C3: variants seen among roughly 807,000 people sequenced by gnomAD.
C3 encodes the protein C3 and PZP-like alpha-2-macroglobulin domain-containing protein 1.
C3 carries 97 observed loss-of-function variants against 207.9 expected under a neutral mutation model. The observed-to-expected ratio is 0.47, with a 90% CI of 0.40 to 0.55. The LOEUF is 0.55. C3 is among the 20% of genes least tolerant of loss of function. The pLI, the probability that C3 is intolerant of heterozygous loss-of-function variation, is 0.00. For synonymous variants in C3, 848 were observed against 857.6 expected (o/e 0.99, Z 0.20); for missense variants, 1,684 against 2,171.7 (o/e 0.78, Z 4.46).
intron 29 of C3, among the ~76,000 whole-genome samples, chr19:6,685,835 C>G (rs1917991193): frequency 6.6e-6 from 1 of 152,094 alleles, no homozygotes; most frequent in Non-Finnish European, 1.5e-5. Context: ...GGTCTAGAGC[C>G]CACCAGGTGG....
Position 6,714,030 on chromosome 19 carries a change from G to C in C3, c.735C>G (p.Ile245Met), listed in dbSNP as rs1455683720. 14 of 1,611,046 alleles carry C rather than the reference G, an allele frequency of 8.7e-6. No individual in the cohort carries two copies. Among genetic ancestry groups the C allele is most frequent in the Non-Finnish European group, 1.1e-5 (13 of 1,179,238 alleles). ...TGACCTCCAGGCCCTTCTCGTTATA[G>C]ATGTAGTAGAATTTCTCTGTAGGCT... The part of the protein sequence containing the change: ...IVEPTEKFYY[I>M]YNEKGLEVTI... The change falls in exon 7 of 41, where the codon ATC (isoleucine) becomes ATG (methionine). Residue 245 changes from isoleucine to methionine, a missense_variant. By Grantham distance (10) the Ile-to-Met change is conservative. Around this residue, in one of 3 missense-constraint regions of C3, gnomAD observed 1,280 missense variants for 1,739.1 expected, o/e 0.74. Transcript: ENST00000245907.
At position 6,718,111 on chromosome 19, in the gene C3, C is replaced by T; in HGVS notation, c.487G>A (p.Val163Ile). The part of the protein sequence containing the change: ...NHKLLPVGRT[V>I]MVNIENPEGI... ...GCTGGCACCTCAATGTTGACCATGA[C>T]CGTCCGGCCCACGGGTAGCAGCTTG... The change falls in exon 4 of 41, where the codon GTC becomes ATC. Residue 163 changes from valine to isoleucine, a missense_variant. By Grantham distance (29) the Val-to-Ile change is conservative. Coordinates refer to ENST00000245907, the MANE Select transcript of C3 (RefSeq NM_000064.4). 3.7e-6 allele frequency: 6 copies of T among 1,614,164 alleles called. No individual in the cohort carries two copies. The highest frequency in any genetic ancestry group is 5.1e-6 in the Non-Finnish European group (6 of 1,180,032).
At chr19:6,689,340 C>CTACCTACCTACCT (rs1568213476) in intron 27 of C3, among the ~76,000 whole-genome samples, 6 of 50,756 alleles carry the variant, frequency 1.2e-4, no homozygotes, top group African/African-American at 6.2e-4. Flanking sequence ...TCCCTCCCTC[C>CTACCTACCTACCT]CTCCCTCCCT....
intron 17 of C3, among the ~76,000 whole-genome samples, chr19:6,706,398 T>C (rs1051400240): frequency 6.6e-6 from 1 of 152,130 alleles, no homozygotes; most frequent in African/African-American, 2.4e-5. Flanking sequence ...TCCTGGCTCC[T>C]CATCTGAAGG....
In C3 at chr19:6,678,458, G is replaced by A; in HGVS notation, c.4631-3C>T. ...CTTGACCAGTCGGGTCTTGTACACTGTGGGGGAGAGGCAGACAGTTTGGGT... is the reference window on the plus strand; with the variant it reads ...CTTGACCAGTCGGGTCTTGTACACTATGGGGGAGAGGCAGACAGTTTGGGT... On this transcript the variant is annotated splice_region_variant and splice_polypyrimidine_tract_variant and intron_variant, in intron 38 of 40. Transcript: ENST00000245907. 1 of 1,613,822 alleles carries A rather than the reference G, an allele frequency of 6.2e-7. No individual in the cohort carries two copies. Among genetic ancestry groups the A allele is most frequent in the Non-Finnish European group, 8.5e-7 (1 of 1,179,810 alleles).
intron 2 of C3, among the ~76,000 whole-genome samples, chr19:6,718,730 G>C (rs902919211): frequency 2.0e-5 from 3 of 150,994 alleles, no homozygotes; most frequent in South Asian, 2.1e-4. Flanking sequence ...AGGGAACTTA[G>C]AAAGTGATGG....
At chr19:6,706,384 G>A (rs1488589496) in intron 17 of C3, among the ~76,000 whole-genome samples, 1 of 152,034 alleles carries the variant, frequency 6.6e-6, no homozygotes, top group Non-Finnish European at 1.5e-5. Flanking sequence ...CTCAGGCCTG[G>A]GCCTCCTGGC....
rs768065757 is a variant in C3, at chr19:6,682,145, C to T, written c.4257G>A (p.Lys1419=). The T allele has an allele frequency of 3.5e-5, 56 of 1,613,646 alleles. No homozygotes were observed. Among genetic ancestry groups the T allele is most frequent in the Non-Finnish European group, 4.4e-5 (52 of 1,179,514 alleles). The stretch of plus-strand genomic sequence containing the variant: ...CCAGCTCCTGAGCCCTTCATACCTG[C>T]TTCAGGTCATCTGTGTCTGGAGCAA... The part of the protein sequence containing the change: ...TGFAPDTDDL[K]QLANGVDRYI... Residue 1419 remains lysine, a synonymous_variant, in exon 34 of 41, where the codon AAG becomes AAA. Coordinates refer to ENST00000245907, the MANE Select transcript of C3 (RefSeq NM_000064.4).
chr19:6,686,004 T>A, intron 29 of C3, 120 bp downstream of exon 29: 1 of 1,008,558 alleles, frequency 9.9e-7, no homozygotes, highest in Non-Finnish European at 1.6e-6. Flanking sequence ...TCCACTGCAA[T>A]CACACTGGCT....
intron 37 of C3, 66 bp downstream of exon 37, chr19:6,679,341 G>A (rs1599496479): frequency 6.8e-7 from 1 of 1,477,600 alleles, no homozygotes; most frequent in Non-Finnish European, 9.5e-7. Flanking sequence ...CCCTGACCAT[G>A]GGATAGATGA....
Position 6,702,585 on chromosome 19 carries a change from G to A in C3, c.2246-6C>T. On this transcript the variant is annotated splice_polypyrimidine_tract_variant and splice_region_variant and intron_variant, in intron 17 of 40. Coordinates refer to ENST00000245907, the MANE Select transcript of C3 (RefSeq NM_000064.4). ...GATGTCCTCATCCAGGTTACCTGCA[G>A]GGGGTTTAGATCTGCATTTAGAACA... 1.9e-6 allele frequency: 3 copies of A among 1,596,522 alleles called. No individual in the cohort carries two copies. The highest frequency in any genetic ancestry group is 2.6e-6 in the Non-Finnish European group (3 of 1,163,944).
chr19:6,684,423 A>G lies in C3; in HGVS notation c.4137T>C (p.Asp1379=), dbSNP rs1340164090. The change falls in exon 33 of 41, where the codon GAT becomes GAC. Residue 1379 remains aspartate (D), a synonymous_variant. Transcript: ENST00000245907. ...PAPETEKRPQ[D]AKNTMILEIC... is the part of the protein sequence containing the mutation. ...TCTCAAGGATCATAGTGTTCTTGGC[A>G]TCCTGAGGCCTCTTTTCTAGAAACA... The G allele has an allele frequency of 1.9e-6, 3 of 1,613,838 alleles. No homozygotes were observed. In the East Asian group the frequency reaches 6.7e-5, roughly 36 times the overall value.
In C3 at chr19:6,684,421, G is replaced by T; in HGVS notation, c.4139C>A (p.Ala1380Asp). Residue 1380 changes from alanine to aspartate, a missense_variant, in exon 33 of 41, where the codon GCC (alanine) becomes GAC (aspartate). Around this residue, in one of 3 missense-constraint regions of C3, gnomAD observed 346 missense variants for 380.1 expected, o/e 0.91. Coordinates refer to ENST00000245907, the MANE Select transcript of C3 (RefSeq NM_000064.4). ...GATCTCAAGGATCATAGTGTTCTTG[G>T]CATCCTGAGGCCTCTTTTCTAGAAA... Reference protein sequence around the residue: ...APETEKRPQDAKNTMILEICT... With the variant: ...APETEKRPQDDKNTMILEICT... 6.2e-7 allele frequency: 1 copy of T among 1,613,808 alleles called. No individual in the cohort carries two copies. Among genetic ancestry groups the T allele is most frequent in the Non-Finnish European group, 8.5e-7 (1 of 1,179,676 alleles).
In C3 at chr19:6,713,981, C is replaced by G; in HGVS notation, c.773+11G>C. On this transcript the variant is annotated intron_variant, in intron 7 of 40. Transcript: ENST00000245907. ...CCTGGCTCTTACCTGGCCCCACCCC[C>G]AGTCCCTCACCTGGCGGTGATGGTG... 6.3e-7 allele frequency: 1 copy of G among 1,594,562 alleles called. No homozygotes were observed.
chr19:6,695,503 A>C (rs10406463), intron 23 of C3, among the ~76,000 whole-genome samples: 1 of 151,748 alleles, frequency 6.6e-6, no homozygotes, highest in Admixed American at 6.6e-5. Context: ...TGTTTGAGAC[A>C]AAGTCTTGCT....
rs549237345 is a variant in C3 at position 6,681,493 on chromosome 19, C to T, written c.4350+448G>A. Among the ~76,000 whole-genome samples, 84 of 151,920 alleles carry T rather than the reference C, an allele frequency of 5.5e-4. 1 individual carries two copies. The South Asian group carries it at 0.017, about 30-fold the overall frequency. On this transcript the variant is annotated intron_variant, in intron 35 of 40. Coordinates refer to ENST00000245907, the MANE Select transcript of C3 (RefSeq NM_000064.4). ...CCCAGGAATTTGACTTTGCAGTGAGCTAGTATCAAGACACTGTACTCCAGT... is the reference window on the plus strand; with the variant it reads ...CCCAGGAATTTGACTTTGCAGTGAGTTAGTATCAAGACACTGTACTCCAGT...
chr19:6,696,761 G>T, intron 21 of C3, 102 bp from the exon 22 acceptor site: 1 of 1,188,096 alleles, frequency 8.4e-7, no homozygotes, highest in Non-Finnish European at 1.3e-6. Flanking sequence ...CCCTAGCATT[G>T]CCGGGCGCGG....
At position 6,696,338 on chromosome 19, in the gene C3, C is replaced by T. The variant is rs763791563; in HGVS notation, c.2950+41G>A. On this transcript the variant is annotated intron_variant, in intron 23 of 40. Transcript: ENST00000245907. ...GAGATGGAATTTGGCTCCATCCATG[C>T]CCTCCTGGGACCCATGGGGTCGGGG... 12 of 1,399,250 alleles carry T rather than the reference C, an allele frequency of 8.6e-6. 1 individual carries two copies. The South Asian group carries it at 1.3e-4, about 15-fold the overall frequency. 86.7% of individuals were successfully genotyped at this position (1,399,250 alleles called of 1,614,324 possible).
intron 26 of C3, 130 bp from the exon 27 acceptor site, chr19:6,690,857 C>G: frequency 1.4e-6 from 1 of 726,274 alleles, no homozygotes; most frequent in South Asian, 1.5e-5. Flanking sequence ...ACCCCGCTAC[C>G]CTAGGAAGGT....
Sources: gnomAD v4.1 joint callset for allele counts (sites outside exome capture counted in the v4.1 genomes callset) on GRCh38, gnomAD v4.1.1 for gene constraint, gnomAD v4.1.1 regional missense constraint, MANE v1.5 for transcripts, NCBI Gene and HGNC (gene_info 2026-07-23, HGNC 2026-07-21) for gene names.